The following DPYSL2 variants were observed in gnomAD, a reference collection of about 807,000 sequenced individuals.
DPYSL2 encodes the protein dihydropyrimidinase-related protein 2.
In DPYSL2, 13 loss-of-function variants were observed where a neutral mutation model predicts 69.9. The observed-to-expected ratio is 0.19, with a 90% CI of 0.12 to 0.30. DPYSL2 has a LOEUF of 0.30. DPYSL2 is among the 10% of genes least tolerant of loss of function. The pLI is 1.00. For missense variants in DPYSL2, 587 were observed against 918.9 expected, an observed-to-expected ratio of 0.64 and a Z score of 4.67; for synonymous variants, 326 against 359.1, an observed-to-expected ratio of 0.91 and a Z score of 1.04.
chr8:26,615,358 G>A lies in DPYSL2; in HGVS notation c.629-8785G>A, dbSNP rs554605041. On this transcript the variant is annotated intron_variant, in intron 3 of 13. Coordinates refer to ENST00000521913, the MANE Select transcript of DPYSL2 (RefSeq NM_001197293.3). Reference sequence around the variant, plus strand: ...TATGTTACAGTTAGTCATTTCACTGGCGTGTGCTAACCAAAGGTGGCCTGG... The same window carrying A: ...TATGTTACAGTTAGTCATTTCACTGACGTGTGCTAACCAAAGGTGGCCTGG... Among the ~76,000 whole-genome samples, 5 of 152,228 alleles carry A rather than the reference G, an allele frequency of 3.3e-5. No homozygotes were observed. In the South Asian group the frequency reaches 1.0e-3, roughly 32 times the overall value.
intron 3 of DPYSL2, among the ~76,000 whole-genome samples, chr8:26,595,661 T>C (rs542605948): frequency 1.4e-4 from 21 of 152,290 alleles, no homozygotes; most frequent in African/African-American, 5.0e-4. Context: ...GCTGGAAGTA[T>C]TGGTGACAAA....
chr8:26,546,275 A>T (rs1215419709), intron 1 of DPYSL2, among the ~76,000 whole-genome samples: 1 of 152,194 alleles, frequency 6.6e-6, no homozygotes, highest in Non-Finnish European at 1.5e-5. Flanking sequence ...TGTGTTTTTA[A>T]TTATAAATCC....
chr8:26,548,002 C>T, intron 1 of DPYSL2: 1 of 262,690 alleles, frequency 3.8e-6, no homozygotes. Context: ...TTTCCTGTTC[C>T]CCTGGATAAG....
chr8:26,595,960 G>T (rs898739061), intron 3 of DPYSL2, among the ~76,000 whole-genome samples: 2 of 149,506 alleles, frequency 1.3e-5, no homozygotes, highest in Admixed American at 6.7e-5. Flanking sequence ...CTGGGAGTTT[G>T]TTTTTTTTTT....
intron 1 of DPYSL2, among the ~76,000 whole-genome samples, chr8:26,558,012 C>T (rs895039275): frequency 4.0e-5 from 6 of 151,868 alleles, no homozygotes; most frequent in Non-Finnish European, 8.8e-5. Context: ...AATGGTACAG[C>T]CACTTTGGAA....
In DPYSL2 at chr8:26,514,952, G is replaced by C. The variant is rs897077179; in HGVS notation, c.354+273G>C. ...ATAGGGAATGGGCTGATCCCCTGCT[G>C]GGGCGGGCGGTGGTCGTCTGGGAGG... On this transcript the variant is annotated intron_variant, in intron 1 of 13. Transcript: ENST00000521913. The surrounding 1 kb of genome is among the most constrained non-coding windows in gnomAD (Gnocchi z 8.4). Among the ~76,000 whole-genome samples, 4 of 152,250 alleles carry C rather than the reference G, an allele frequency of 2.6e-5. No homozygotes were observed. Among genetic ancestry groups the C allele is most frequent in the African/African-American group, 9.6e-5 (4 of 41,476 alleles).
At chr8:26,515,520 T>C (rs1002225542) in intron 1 of DPYSL2, among the ~76,000 whole-genome samples, 10 of 152,226 alleles carry the variant, frequency 6.6e-5, no homozygotes, top group East Asian at 1.9e-4. Flanking sequence ...CCCCCTTTTA[T>C]TGTGTTAATG....
At chr8:26,549,448 T>C (rs978972209) in intron 1 of DPYSL2, among the ~76,000 whole-genome samples, 3 of 151,894 alleles carry the variant, frequency 2.0e-5, no homozygotes, top group Non-Finnish European at 2.9e-5. Flanking sequence ...ATTTAATATA[T>C]GTATAAAGGT....
At chr8:26,552,616 C>T (rs1354849626) in intron 1 of DPYSL2, among the ~76,000 whole-genome samples, 1 of 152,152 alleles carries the variant, frequency 6.6e-6, no homozygotes, top group African/African-American at 2.4e-5. Context: ...GGCCTTCTGG[C>T]CGGTGGGTCT....
At chr8:26,655,167 TGTAGTCTAAACTTCA>T (rs1262131568) in intron 13 of DPYSL2, among the ~76,000 whole-genome samples, 1 of 152,008 alleles carries the variant, frequency 6.6e-6, no homozygotes, top group Non-Finnish European at 1.5e-5. Flanking sequence ...ACCTCCCTTC[TGTAGTCTAAACTTCA>T]GTGAGGTTTT....
At chr8:26,547,629 T>C (rs1249820420) in intron 1 of DPYSL2, 2 of 157,374 alleles carry the variant, frequency 1.3e-5, no homozygotes, top group Non-Finnish European at 2.8e-5. Context: ...AACAGATGCA[T>C]AATATAAGCA....
intron 1 of DPYSL2, among the ~76,000 whole-genome samples, chr8:26,570,741 G>GAAAAAAAAAAAAAAAAAAAAAAA (rs572040580): frequency 9.2e-6 from 1 of 108,302 alleles, no homozygotes; most frequent in Non-Finnish European, 1.8e-5. Context: ...CTTAGAAAAG[G>GAAAAAAAAAAAAAAAAAAAAAAA]AAAAAAAAAA....
At chr8:26,613,515 C>T (rs951503845) in intron 3 of DPYSL2, among the ~76,000 whole-genome samples, 10 of 152,222 alleles carry the variant, frequency 6.6e-5, no homozygotes, top group African/African-American at 2.4e-4. Context: ...CAGAGAGGCC[C>T]GCCTGCTTCA....
intron 1 of DPYSL2, among the ~76,000 whole-genome samples, chr8:26,537,193 C>T (rs1800605610): frequency 6.6e-6 from 1 of 152,082 alleles, no homozygotes; most frequent in African/African-American, 2.4e-5. Context: ...CTGCCATTAT[C>T]ATTATTACTG....
In DPYSL2 at chr8:26,610,435, C is replaced by T. The variant is rs11776975; in HGVS notation, c.629-13708C>T. Among the ~76,000 whole-genome samples, 17,610 of 152,224 alleles carry T rather than the reference C, an allele frequency of 0.12. 1,128 individuals carry two copies. The highest frequency in any genetic ancestry group is 0.13 in the African/African-American group (5,447 of 41,526). On this transcript the variant is annotated intron_variant, in intron 3 of 13. Coordinates refer to ENST00000521913, the MANE Select transcript of DPYSL2 (RefSeq NM_001197293.3). This position sits in a 1 kb window ranked among gnomAD's most constrained non-coding sequence, Gnocchi z 4.5. ...GTCTCTATGCTTCTTCCTTTTCTAG[C>T]ATTTACTCTTATGTTACAATTAGTG...
chr8:26,566,667 A>G lies in DPYSL2; in HGVS notation c.355-15302A>G, dbSNP rs1042724911. Among the ~76,000 whole-genome samples the G allele has an allele frequency of 7.2e-5, 11 of 152,182 alleles. 1 individual carries two copies. Among genetic ancestry groups the G allele is most frequent in the Admixed American group, 3.9e-4 (6 of 15,284 alleles). ...AAAAGAAGACACCCACAGTCCTTCT[A>G]GAAACTTTAACTAAATGGACGAGGC... is the stretch of plus-strand genomic sequence containing the variant. On this transcript the variant is annotated intron_variant, in intron 1 of 13. Transcript: ENST00000521913.
intron 7 of DPYSL2, 98 bp from the exon 8 acceptor site, chr8:26,634,682 C>G: frequency 6.3e-7 from 1 of 1,591,198 alleles, no homozygotes; most frequent in Non-Finnish European, 8.6e-7. Context: ...GACCAGCAGC[C>G]TCGCCTTCAT....
intron 3 of DPYSL2, among the ~76,000 whole-genome samples, chr8:26,594,203 C>T (rs995709333): frequency 6.6e-5 from 10 of 152,204 alleles, no homozygotes; most frequent in East Asian, 1.9e-4. Context: ...TTATGTCTTA[C>T]GACTATGGAA....
rs370388171 is a variant in DPYSL2 at position 26,626,646 on chromosome 8, T to C, written c.823T>C (p.Phe275Leu). The C allele has an allele frequency of 1.9e-6, 3 of 1,614,222 alleles. No homozygotes were observed. Among genetic ancestry groups the C allele is most frequent in the Non-Finnish European group, 2.5e-6 (3 of 1,180,040 alleles). Residue 275 changes from phenylalanine to leucine, a missense_variant, in exon 5 of 14, where the codon TTC (phenylalanine) becomes CTC (leucine). Physicochemically the swap from Phe to Leu is conservative, Grantham distance 22. Transcript: ENST00000521913. This position sits in a 1 kb window ranked among gnomAD's most constrained non-coding sequence, Gnocchi z 4.3. ...AAATTCCTTCCTCGTGTACATGGCT[T>C]TCAAAGATCGCTTCCAGCTAACGGA... ...GVNSFLVYMA[F>L]KDRFQLTDCQ...
Sources: allele counts gnomAD v4.1 joint callset (sites outside exome capture counted in the v4.1 genomes callset), GRCh38; gene constraint gnomAD v4.1.1; non-coding constraint Gnocchi (gnomAD v3.1); transcripts MANE v1.5; gene names NCBI Gene and HGNC (gene_info 2026-07-23, HGNC 2026-07-21).